Variants in MTM1 observed in about 807,000 individuals in gnomAD.
MTM1 encodes myotubularin.
MTM1 carries 9 observed loss-of-function variants against 52.1 expected under a neutral mutation model. The observed-to-expected ratio is 0.17, with a 90% CI of 0.10 to 0.30. The LOEUF (loss-of-function observed/expected upper bound fraction) is 0.30, where lower values mean the gene tolerates loss of function less well. Ranked by LOEUF, MTM1 falls within the 10% of genes least tolerant of loss-of-function variation. MTM1 has a pLI of 1.00. For missense variants in MTM1, 277 were observed against 470.7 expected (o/e 0.59, Z 3.81); for synonymous variants, 136 against 163.8 (o/e 0.83, Z 1.29).
intron 4 of MTM1, among the ~76,000 whole-genome samples, chrX:150,605,877 G>A (rs1557412817): frequency 9.0e-6 from 1 of 111,065 alleles, no homozygotes; most frequent in Admixed American, 9.6e-5. Flanking sequence ...ATACTACCAG[G>A]AAGGGAGGCA....
intron 1 of MTM1, among the ~76,000 whole-genome samples, chrX:150,583,596 A>G (rs868976562): frequency 0.099 from 3,193 of 32,315 alleles, 535 homozygotes; most frequent in Middle Eastern, 0.16. Context: ...TATAATTTAT[A>G]TATAATATAT....
chrX:150,595,258 C>G (rs781978707), intron 2 of MTM1, among the ~76,000 whole-genome samples: 2 of 111,165 alleles, frequency 1.8e-5, no homozygotes, highest in Admixed American at 1.9e-4. Flanking sequence ...GCCAGGAGTT[C>G]AAGACCAGCC....
intron 6 of MTM1, among the ~76,000 whole-genome samples, chrX:150,638,179 G>C (rs1489677028): frequency 8.9e-6 from 1 of 111,785 alleles, no homozygotes; most frequent in African/African-American, 3.3e-5. Context: ...GCAGGACTGG[G>C]TAGGGGGAGC....
At chrX:150,567,564 ATTT>A (rs1258445163), upstream of MTM1, among the ~76,000 whole-genome samples, 4 of 110,986 alleles carry the variant, frequency 3.6e-5, no homozygotes, top group Non-Finnish European at 7.6e-5. Context: ...TCTTTTTTTA[ATTT>A]TTTTGACACG....
chrX:150,635,504 A>G (rs1316817837), intron 6 of MTM1, among the ~76,000 whole-genome samples: 1 of 112,269 alleles, frequency 8.9e-6, no homozygotes, highest in African/African-American at 3.2e-5. Context: ...CGTATAACCT[A>G]TTCACTTCAG....
chrX:150,597,555 T>C (rs2038998529), intron 3 of MTM1, among the ~76,000 whole-genome samples: 1 of 111,994 alleles, frequency 8.9e-6, no homozygotes, highest in Non-Finnish European at 1.9e-5. Flanking sequence ...ATAAAGTAGC[T>C]TTATTAAGTA....
chrX:150,586,918 A>AAAAAAAAAAAAGCAT (rs2038799116), intron 1 of MTM1, among the ~76,000 whole-genome samples: 1 of 107,964 alleles, frequency 9.3e-6, no homozygotes, highest in African/African-American at 3.4e-5. Context: ...TGTCTCAAAA[A>AAAAAAAAAAAAGCAT]AAAAAAAAAA....
chrX:150,632,243 G>A (rs2148478034), intron 6 of MTM1, among the ~76,000 whole-genome samples: 1 of 111,924 alleles, frequency 8.9e-6, no homozygotes, highest in African/African-American at 3.2e-5. Context: ...TGCAAGATGA[G>A]TAGGAGCATT....
rs782547706 is a variant in MTM1, at chrX:150,619,111, G to A, written c.416G>A (p.Arg139Lys). 4 of 1,208,345 alleles carry A rather than the reference G, an allele frequency of 3.3e-6. No individual in the cohort carries two copies. In the Admixed American group the frequency reaches 6.5e-5, roughly 20 times the overall value. ...SRRDMFEILT[R>K]YAFPLAHSLP... The stretch of plus-strand genomic sequence containing the variant: ...AGAGATATGTTTGAGATCCTCACGA[G>A]ATACGCGTTTCCCCTGGCTCACAGT... The change falls in exon 6 of 15, where the codon AGA (arginine) becomes AAA (lysine). Residue 139 changes from arginine to lysine, a missense_variant. By Grantham distance (26) the Arg-to-Lys change is conservative. This residue lies in a region of MTM1 where 164 missense variants were observed against 283.3 expected (regional missense o/e 0.58). Coordinates refer to ENST00000370396, the MANE Select transcript of MTM1 (RefSeq NM_000252.3).
At chrX:150,652,627 A>G (rs1159465874) in intron 10 of MTM1, among the ~76,000 whole-genome samples, 1 of 89,091 alleles carries the variant, frequency 1.1e-5, no homozygotes. Flanking sequence ...ATATATATAC[A>G]TATATATACG....
chrX:150,658,391 T>C (rs1215395237), intron 11 of MTM1, among the ~76,000 whole-genome samples: 1 of 111,712 alleles, frequency 9.0e-6, no homozygotes, highest in Admixed American at 9.5e-5. Context: ...ATTTTAAAAA[T>C]CATCGAGAGA....
In MTM1 at chrX:150,611,861, A is replaced by G. The variant is rs186182148; in HGVS notation, c.232-2728A>G. Among the ~76,000 whole-genome samples, 122 of 112,119 alleles carry G rather than the reference A, an allele frequency of 1.1e-3. 1 individual carries two copies. Among genetic ancestry groups the G allele is most frequent in the African/African-American group, 3.7e-3 (113 of 30,874 alleles). ...TCTACAATTTTGTCATTTCAAGCAC[A>G]TTATATAAAAGGAATCATATAATAC... On this transcript the variant is annotated intron_variant, in intron 4 of 14. Transcript: ENST00000370396.
At position 150,611,818 on chromosome X, in the gene MTM1, A is replaced by G. The variant is rs144950641; in HGVS notation, c.232-2771A>G. ...ATCCCTCCCCTCAACCTCTGCAACC[A>G]CTTCTCTGGGTTCCCTCTCTACAAT... On this transcript the variant is annotated intron_variant, in intron 4 of 14. Transcript: ENST00000370396. 3.1e-4 allele frequency among the ~76,000 whole-genome samples: 34 copies of G among 111,434 alleles called. No homozygotes were observed. The East Asian group carries it at 9.3e-3, about 30-fold the overall frequency.
At chrX:150,662,697 T>C (rs2040241984) in intron 13 of MTM1, among the ~76,000 whole-genome samples, 1 of 112,271 alleles carries the variant, frequency 8.9e-6, no homozygotes, top group South Asian at 3.6e-4. Context: ...TCTTTTCTTA[T>C]TAAAGTCATT....
intron 6 of MTM1, among the ~76,000 whole-genome samples, chrX:150,635,548 G>A (rs2039741050): frequency 8.9e-6 from 1 of 112,159 alleles, no homozygotes. Context: ...GCTTTAATTA[G>A]GCTTGTAACA....
chrX:150,597,381 G>A lies in MTM1; in HGVS notation c.136+811G>A, dbSNP rs141372888. On this transcript the variant is annotated intron_variant, in intron 3 of 14. Coordinates refer to ENST00000370396, the MANE Select transcript of MTM1 (RefSeq NM_000252.3). ...AATTCTCTTCTGAGTCCACAAACTT[G>A]CACACATTCTAGTCTTGAAATGGAG... 9.4e-3 allele frequency among the ~76,000 whole-genome samples: 1,057 copies of A among 111,927 alleles called. 15 individuals are homozygous for A. The highest frequency in any genetic ancestry group is 0.033 in the African/African-American group (1,012 of 30,826).
chrX:150,563,377 T>C, the MTM1 span, among the ~76,000 whole-genome samples: 1 of 92,569 alleles, frequency 1.1e-5, no homozygotes, highest in Non-Finnish European at 2.1e-5. Context: ...TGCAGTGCAG[T>C]GATCTTGGCT....
intron 6 of MTM1, among the ~76,000 whole-genome samples, chrX:150,637,636 CAT>C (rs1557413724): frequency 8.9e-6 from 1 of 111,946 alleles, no homozygotes; most frequent in African/African-American, 3.3e-5. Context: ...GTGAGGGTAA[CAT>C]GTTTTTTTGT....
upstream of MTM1, among the ~76,000 whole-genome samples, chrX:150,568,422 G>A (rs1295500217): frequency 8.8e-6 from 1 of 113,512 alleles, no homozygotes; most frequent in African/African-American, 3.2e-5. Context: ...TTCAAAATGG[G>A]CTTCCCAGCA....
Sources: gnomAD v4.1 joint callset for allele counts (sites outside exome capture counted in the v4.1 genomes callset) on GRCh38, gnomAD v4.1.1 for gene constraint, gnomAD v4.1.1 regional missense constraint, MANE v1.5 for transcripts, NCBI Gene and HGNC (gene_info 2026-07-23, HGNC 2026-07-21) for gene names.